PCDH15: variants seen among roughly 807,000 people sequenced by gnomAD.
PCDH15 encodes the protein protocadherin related 15, also known as protocadherin-15.
A neutral mutation model predicts 178.5 loss-of-function variants in PCDH15; 129 were observed. The ratio of observed to expected loss-of-function variants is 0.72; its 90% CI spans 0.63 to 0.84. The LOEUF (loss-of-function observed/expected upper bound fraction) is 0.84. Among genes scored for constraint, PCDH15 ranks in the 40% least tolerant of loss-of-function variants. The pLI is 0.00. For synonymous variants in PCDH15, 800 were observed against 732.0 expected (o/e 1.09, Z -1.50); for missense variants, 2,230 against 2,099.9 (o/e 1.06, Z -1.21).
rs181172799 is a variant in PCDH15, at chr10:55,167,545, T to C, written c.-155-894A>G. On this transcript the variant is annotated intron_variant, in intron 1 of 5. Coordinates refer to the PCDH15 transcript ENST00000458638. Reference sequence around the variant, plus strand: ...TAGAAATAAATTAATTTTATGATGATGTAATATAAAATTGAAGTTATAAAA... The same window carrying C: ...TAGAAATAAATTAATTTTATGATGACGTAATATAAAATTGAAGTTATAAAA... 2.8e-4 allele frequency among the ~76,000 whole-genome samples: 42 copies of C among 152,296 alleles called. No homozygotes were observed. The East Asian group carries it at 7.3e-3, about 27-fold the overall frequency.
chr10:54,516,302 A>C (rs1015103318), intron 3 of PCDH15, among the ~76,000 whole-genome samples: 1 of 78,636 alleles, frequency 1.3e-5, no homozygotes, highest in Non-Finnish European at 2.3e-5. Flanking sequence ...ACAAGTTAAA[A>C]ACTTTGAAAA....
intron 2 of PCDH15, among the ~76,000 whole-genome samples, chr10:55,083,462 GT>G (rs1842092760): frequency 6.6e-6 from 1 of 151,680 alleles, no homozygotes; most frequent in Admixed American, 6.6e-5. Flanking sequence ...ATACTGAAGA[GT>G]AAAAAAATGA....
intron 2 of PCDH15, among the ~76,000 whole-genome samples, chr10:55,131,907 C>T (rs1412001267): frequency 6.6e-6 from 1 of 152,184 alleles, no homozygotes; most frequent in African/African-American, 2.4e-5. Context: ...TTCAGGCTAT[C>T]CCTGGCTTGA....
At chr10:54,773,843 A>C (rs767198581) in intron 1 of PCDH15, among the ~76,000 whole-genome samples, 11 of 152,094 alleles carry the variant, frequency 7.2e-5, no homozygotes, top group Non-Finnish European at 1.5e-4. Flanking sequence ...ACCTAAAGAA[A>C]AAAAATCTAG....
At chr10:55,195,396 A>G (rs967041123) in intron 1 of PCDH15, among the ~76,000 whole-genome samples, 1 of 151,048 alleles carries the variant, frequency 6.6e-6, no homozygotes, top group African/African-American at 2.4e-5. Context: ...TAATCCCATC[A>G]CTTTGGGAAG....
chr10:54,528,021 A>T (rs181611368), intron 2 of PCDH15, 144 bp from the exon 3 acceptor site: 12 of 680,032 alleles, frequency 1.8e-5, no homozygotes, highest in African/African-American at 3.6e-5. Flanking sequence ...AATATTATTT[A>T]AAAACATTTT....
At chr10:54,218,056 T>C (rs1447581296) in intron 9 of PCDH15, among the ~76,000 whole-genome samples, 5 of 152,178 alleles carry the variant, frequency 3.3e-5, no homozygotes, top group Non-Finnish European at 5.9e-5. Context: ...TTGATCACTT[T>C]TGGAGCATGC....
At chr10:54,530,218 A>G (rs974376120) in intron 2 of PCDH15, among the ~76,000 whole-genome samples, 3 of 152,120 alleles carry the variant, frequency 2.0e-5, no homozygotes, top group African/African-American at 7.2e-5. Flanking sequence ...TTCTCCATTC[A>G]TACCAAACCA....
chr10:53,976,671 A>G (rs1350813328), intron 21 of PCDH15, among the ~76,000 whole-genome samples: 1 of 150,438 alleles, frequency 6.6e-6, no homozygotes, highest in African/African-American at 2.4e-5. Flanking sequence ...TCTGTCCATC[A>G]TCTGTAAGCT....
At chr10:53,968,993 G>A (rs1334108375) in intron 21 of PCDH15, among the ~76,000 whole-genome samples, 1 of 152,186 alleles carries the variant, frequency 6.6e-6, no homozygotes, top group Non-Finnish European at 1.5e-5. Flanking sequence ...AACAAAGCTG[G>A]ATGGAGAATG....
At chr10:54,328,748 AC>A (rs1365570962) in intron 7 of PCDH15, among the ~76,000 whole-genome samples, 2 of 151,882 alleles carry the variant, frequency 1.3e-5, no homozygotes, top group East Asian at 3.9e-4. Context: ...GTACACAAAT[AC>A]CTCCCAGCTG....
At chr10:55,188,539 C>T (rs1458031908) in intron 1 of PCDH15, among the ~76,000 whole-genome samples, 1 of 151,932 alleles carries the variant, frequency 6.6e-6, no homozygotes, top group Non-Finnish European at 1.5e-5. Flanking sequence ...TCTTTCTCTA[C>T]TGGAGTTAAG....
chr10:54,168,510 TC>T lies in PCDH15; in HGVS notation c.1590+14933del, dbSNP rs559432231. On this transcript the variant is annotated intron_variant, in intron 13 of 37. Transcript: ENST00000644397. The stretch of plus-strand genomic sequence containing the variant: ...TCCACCCTATAATCTTTTTATCGCC[TC>T]CCCTCCTCACACCTGGTCGGGCTTA... Among the ~76,000 whole-genome samples, 258 of 152,246 alleles carry T rather than the reference TC, an allele frequency of 1.7e-3. 2 individuals are homozygous for T. Among genetic ancestry groups the T allele is most frequent in the African/African-American group, 5.7e-3 (238 of 41,538 alleles).
At chr10:54,015,170 C>CA (rs1380260387) in intron 20 of PCDH15, among the ~76,000 whole-genome samples, 2 of 140,180 alleles carry the variant, frequency 1.4e-5, no homozygotes, top group African/African-American at 5.4e-5. Context: ...AATAGTTACA[C>CA]AAAAAAGTAC....
At chr10:55,392,554 C>G (rs963033116) in intron 2 of PCDH15, among the ~76,000 whole-genome samples, 6 of 151,862 alleles carry the variant, frequency 4.0e-5, no homozygotes, top group Non-Finnish European at 8.8e-5. Flanking sequence ...CCTTTGCAAT[C>G]AAATGTGGAG....
At chr10:55,354,983 A>G (rs1845039955) in intron 2 of PCDH15, among the ~76,000 whole-genome samples, 1 of 152,020 alleles carries the variant, frequency 6.6e-6, no homozygotes, top group South Asian at 2.1e-4. Context: ...TGATAATGTC[A>G]TTTAAATGTA....
intron 1 of PCDH15, among the ~76,000 whole-genome samples, chr10:55,303,513 T>G (rs2132280664): frequency 6.6e-6 from 1 of 152,338 alleles, no homozygotes; most frequent in South Asian, 2.1e-4. Flanking sequence ...CTTATTTGCC[T>G]GTTGACTCAG....
intron 1 of PCDH15, among the ~76,000 whole-genome samples, chr10:55,286,841 A>G (rs1842883475): frequency 6.6e-6 from 1 of 151,946 alleles, no homozygotes; most frequent in African/African-American, 2.4e-5. Context: ...CTTAAGTTTT[A>G]TTATATATTT....
intron 2 of PCDH15, among the ~76,000 whole-genome samples, chr10:54,575,946 A>C (rs777543374): frequency 4.6e-5 from 7 of 152,216 alleles, no homozygotes; most frequent in Non-Finnish European, 1.0e-4. Flanking sequence ...TGGTCATCAA[A>C]GTCACTACAA....
Sources: gnomAD v4.1 joint callset for allele counts (sites outside exome capture counted in the v4.1 genomes callset) on GRCh38, gnomAD v4.1.1 for gene constraint, MANE v1.5 for transcripts, NCBI Gene and HGNC (gene_info 2026-07-23, HGNC 2026-07-21) for gene names.